Variants in SHISA9 observed in about 807,000 individuals in gnomAD.
The protein encoded by SHISA9 is protein shisa-9.
In SHISA9, 13 loss-of-function variants were observed where a neutral mutation model predicts 38.0. The ratio of observed to expected loss-of-function variants is 0.34; its 90% CI spans 0.22 to 0.54. The LOEUF is 0.54. SHISA9 is among the 20% of genes least tolerant of loss of function. The probability of loss-of-function intolerance (pLI) is 0.91; values close to 1 mark genes in which losing one functional copy is unlikely to be tolerated. For synonymous variants in SHISA9, 275 were observed against 242.0 expected (o/e 1.14, Z -1.27); for missense variants, 538 against 575.8 (o/e 0.93, Z 0.67).
the SHISA9 span, among the ~76,000 whole-genome samples, chr16:13,283,982 G>C: frequency 1.2e-4 from 18 of 152,124 alleles, no homozygotes; most frequent in Non-Finnish European, 2.6e-4. Flanking sequence ...ACTTACAAGT[G>C]ACCCCCTGCA....
the SHISA9 span, among the ~76,000 whole-genome samples, chr16:13,252,898 T>A: frequency 6.6e-6 from 1 of 152,154 alleles, no homozygotes; most frequent in Non-Finnish European, 1.5e-5. Flanking sequence ...GGGTTTGAAC[T>A]GTGTAGGTCC....
Position 13,074,684 on chromosome 16 carries a change from G to C in SHISA9, c.692-128710G>C, listed in dbSNP as rs142903996. On this transcript the variant is annotated intron_variant, in intron 2 of 4. Transcript: ENST00000558583. ...TTTCTTTTTCTTTTTTTTTTTTTGA[G>C]GTGGAGTTTTGCTGTTGTCACCCAG... Among the ~76,000 whole-genome samples, 27 of 141,146 alleles carry C rather than the reference G, an allele frequency of 1.9e-4. 1 individual carries two copies. Among genetic ancestry groups the C allele is most frequent in the African/African-American group, 7.3e-4 (27 of 37,220 alleles). The allele number at this position is 141,146 out of a possible 152,430, so 92.6% of individuals were successfully genotyped here.
chr16:13,255,479 T>G, the SHISA9 span, among the ~76,000 whole-genome samples: 1 of 152,210 alleles, frequency 6.6e-6, no homozygotes, highest in African/African-American at 2.4e-5. Flanking sequence ...TCAGTTCACA[T>G]TAAACCATCA....
At chr16:12,970,383 ATATATG>A (rs2072047937) in intron 2 of SHISA9, among the ~76,000 whole-genome samples, 2 of 33,254 alleles carry the variant, frequency 6.0e-5, no homozygotes, top group Non-Finnish European at 1.1e-4. Flanking sequence ...ATATATATAC[ATATATG>A]TATATATATA....
chr16:13,007,857 A>G (rs2072618486), intron 2 of SHISA9, among the ~76,000 whole-genome samples: 1 of 152,094 alleles, frequency 6.6e-6, no homozygotes, highest in Non-Finnish European at 1.5e-5. Context: ...GCACTTGTTT[A>G]CATTCCTTCC....
intron 2 of SHISA9, among the ~76,000 whole-genome samples, chr16:13,028,029 G>T (rs1414083576): frequency 6.6e-6 from 1 of 151,468 alleles, no homozygotes. Context: ...TTCTGAAAAG[G>T]TAGACGGTGG....
intron 2 of SHISA9, among the ~76,000 whole-genome samples, chr16:13,060,653 A>AC: frequency 6.6e-6 from 1 of 151,448 alleles, no homozygotes; most frequent in Non-Finnish European, 1.5e-5. Flanking sequence ...AAAAAAAAAA[A>AC]AAAAAAAACA....
chr16:13,169,761 A>G (rs1249835007), intron 2 of SHISA9, among the ~76,000 whole-genome samples: 1 of 152,162 alleles, frequency 6.6e-6, no homozygotes, highest in Non-Finnish European at 1.5e-5. Flanking sequence ...ATGATGACAT[A>G]TGATTGCTAT....
intron 2 of SHISA9, among the ~76,000 whole-genome samples, chr16:12,956,277 G>A (rs529087242): frequency 6.6e-6 from 1 of 152,222 alleles, no homozygotes; most frequent in South Asian, 2.1e-4. Context: ...ATACACTGTT[G>A]GTGAGAATGT....
chr16:13,380,175 G>T, the SHISA9 span, among the ~76,000 whole-genome samples: 1 of 151,432 alleles, frequency 6.6e-6, no homozygotes, highest in East Asian at 1.9e-4. Context: ...AATAGAAGAG[G>T]GATTACAGAG....
chr16:13,376,346 C>T, the SHISA9 span, among the ~76,000 whole-genome samples: 1 of 152,140 alleles, frequency 6.6e-6, no homozygotes, highest in African/African-American at 2.4e-5. Context: ...ACTCCTGGAG[C>T]CTGACTGATT....
the SHISA9 span, among the ~76,000 whole-genome samples, chr16:13,355,417 TG>T: frequency 6.6e-6 from 1 of 150,536 alleles, no homozygotes; most frequent in African/African-American, 2.4e-5. Flanking sequence ...TGGGTTAAGG[TG>T]GGGGGATACA....
chr16:13,246,839 A>G, the SHISA9 span, among the ~76,000 whole-genome samples: 1 of 152,080 alleles, frequency 6.6e-6, no homozygotes, highest in East Asian at 1.9e-4. Flanking sequence ...TTAGAACTGT[A>G]TCTGACTATT....
chr16:13,089,781 T>A (rs2141946138), intron 2 of SHISA9, among the ~76,000 whole-genome samples: 1 of 152,314 alleles, frequency 6.6e-6, no homozygotes, highest in South Asian at 2.1e-4. Context: ...TTTTGAAGTG[T>A]TTTTTGTGTG....
At chr16:12,958,484 T>G (rs986000467) in intron 2 of SHISA9, among the ~76,000 whole-genome samples, 2 of 152,230 alleles carry the variant, frequency 1.3e-5, no homozygotes, top group Non-Finnish European at 2.9e-5. Context: ...GCCCAGAGTG[T>G]GGGCCTCAGT....
the SHISA9 span, among the ~76,000 whole-genome samples, chr16:13,414,102 C>T: frequency 2.0e-5 from 3 of 152,158 alleles, no homozygotes; most frequent in African/African-American, 7.2e-5. Context: ...TTTGCTTTTT[C>T]ATGGTTGGGA....
At chr16:13,207,433 T>C (rs2051075630) in intron 3 of SHISA9, among the ~76,000 whole-genome samples, 1 of 151,936 alleles carries the variant, frequency 6.6e-6, no homozygotes, top group Non-Finnish European at 1.5e-5. Context: ...TCTGAAATGT[T>C]TGTTGAATGA....
chr16:13,261,548 C>G, the SHISA9 span, among the ~76,000 whole-genome samples: 2 of 152,138 alleles, frequency 1.3e-5, no homozygotes, highest in Admixed American at 6.5e-5. Flanking sequence ...GATGAAACAC[C>G]AGAATTTATT....
At chr16:12,924,702 A>T (rs143328093) in intron 2 of SHISA9, among the ~76,000 whole-genome samples, 40 of 152,258 alleles carry the variant, frequency 2.6e-4, no homozygotes, top group Non-Finnish European at 4.9e-4. Flanking sequence ...TTAGATCAAG[A>T]AATTGGTTTT....
Sources: allele counts gnomAD v4.1 joint callset (sites outside exome capture counted in the v4.1 genomes callset), GRCh38; gene constraint gnomAD v4.1.1; transcripts MANE v1.5; gene names NCBI Gene and HGNC (gene_info 2026-07-23, HGNC 2026-07-21).